Variants in SNX31 observed in about 807,000 individuals in gnomAD.
SNX31 encodes sorting nexin 31.
In SNX31, 58 loss-of-function variants were observed where a neutral mutation model predicts 65.4. That is an observed-to-expected ratio of 0.89 (90% CI 0.72 to 1.10). The LOEUF (loss-of-function observed/expected upper bound fraction) is 1.10, where lower values mean the gene tolerates loss of function less well. Ranked by LOEUF, SNX31 falls within the 50% of genes least tolerant of loss-of-function variation. SNX31 has a pLI of 0.00. For missense variants in SNX31, 523 were observed against 529.7 expected (o/e 0.99, Z 0.12); for synonymous variants, 181 against 190.1 (o/e 0.95, Z 0.39).
At chr8:100,631,586 C>T (rs562891958) in intron 3 of SNX31, among the ~76,000 whole-genome samples, 8 of 151,940 alleles carry the variant, frequency 5.3e-5, no homozygotes, top group South Asian at 2.1e-4. Context: ...TACAGGAGTG[C>T]GCCACCACAC....
rs746145189 is a variant in SNX31, at chr8:100,608,509, A to G, written c.666T>C (p.Asp222=). 3 of 1,613,924 alleles carry G rather than the reference A, an allele frequency of 1.9e-6. No homozygotes were observed. The highest frequency in any genetic ancestry group is 1.6e-4 in the Middle Eastern group (1 of 6,084). ...TGACCCTCACCTGCATGTAGAGCAA[A>G]TCTACCGCCACCCTGCAGTCCATCA... ...SVLMDCRVAV[D]LLYMQAIQDI... Residue 222 remains aspartate, a synonymous_variant, in exon 8 of 14, where the codon GAT becomes GAC. Coordinates refer to ENST00000311812, the MANE Select transcript of SNX31 (RefSeq NM_152628.4).
rs1285270504 is a variant in SNX31 at position 100,612,994 on chromosome 8, C to A, written c.523+1G>T. The A allele has an allele frequency of 2.5e-6, 4 of 1,613,662 alleles. No individual in the cohort carries two copies. The highest frequency in any genetic ancestry group is 3.4e-6 in the Non-Finnish European group (4 of 1,179,610). ...TGATTCATTTGTTCCTTCCTTCTTA[C>A]CAGAGAGCTTGCCCTCCTTGCCAAA... is the stretch of plus-strand genomic sequence containing the variant. On this transcript the variant is annotated splice_donor_variant, in intron 6 of 13. Transcript: ENST00000311812. LOFTEE classifies it high-confidence loss of function. The surrounding 1 kb of genome is among the most constrained non-coding windows in gnomAD (Gnocchi z 4.3).
intron 5 of SNX31, among the ~76,000 whole-genome samples, chr8:100,616,842 A>T (rs1817249383): frequency 6.6e-6 from 1 of 152,182 alleles, no homozygotes; most frequent in African/African-American, 2.4e-5. Flanking sequence ...CAAGCACAAG[A>T]ACGTTCTGTC....
Position 100,625,410 on chromosome 8 carries a change from CAT to C in SNX31, c.321+4915_321+4916del, listed in dbSNP as rs1386676792. On this transcript the variant is annotated intron_variant, in intron 4 of 13. Transcript: ENST00000311812. This position sits in a 1 kb window ranked among gnomAD's most constrained non-coding sequence, Gnocchi z 4.2. Reference sequence around the variant, plus strand: ...TTGGATGCGCACCATGGCTATTAGACATTCCTCTGCCTCAGAGCAGAATAGCA... The same window carrying C: ...TTGGATGCGCACCATGGCTATTAGACTCCTCTGCCTCAGAGCAGAATAGCA... 2.0e-5 allele frequency among the ~76,000 whole-genome samples: 3 copies of C among 151,664 alleles called. No individual in the cohort carries two copies. The highest frequency in any genetic ancestry group is 4.4e-5 in the Non-Finnish European group (3 of 67,914).
chr8:100,588,717 A>C lies in SNX31; in HGVS notation c.1092+149T>G. On this transcript the variant is annotated intron_variant, in intron 11 of 13. Transcript: ENST00000311812. The surrounding 1 kb of genome is among the most constrained non-coding windows in gnomAD (Gnocchi z 4.8). The stretch of plus-strand genomic sequence containing the variant: ...TAAAATATAACAAAACATAAAACAA[A>C]ATAAAAGGTATTACGGTCCCGAACG... The C allele has an allele frequency of 2.2e-6, 1 of 446,406 alleles. No individual in the cohort carries two copies. Among genetic ancestry groups the C allele is most frequent in the Non-Finnish European group, 4.0e-6 (1 of 250,792 alleles). The allele number at this position is 446,406 out of a possible 1,614,324, so 27.7% of individuals were successfully genotyped here. A position where few individuals can be genotyped will look rare whatever the true frequency, so the allele number is the denominator to read the frequency against.
intron 2 of SNX31, among the ~76,000 whole-genome samples, chr8:100,636,728 C>CT (rs1310141652): frequency 2.6e-5 from 4 of 151,508 alleles, no homozygotes; most frequent in African/African-American, 7.3e-5. Context: ...TTCTTTCTTT[C>CT]TTTCTTTTTT....
At chr8:100,645,687 C>T (rs1819582076) in intron 2 of SNX31, among the ~76,000 whole-genome samples, 1 of 148,166 alleles carries the variant, frequency 6.7e-6, no homozygotes, top group African/African-American at 2.5e-5. Context: ...TCTGAGCTCA[C>T]TGCAACCTCC....
intron 10 of SNX31, among the ~76,000 whole-genome samples, chr8:100,595,605 GA>G (rs1490963960): frequency 6.6e-6 from 1 of 152,210 alleles, no homozygotes; most frequent in Non-Finnish European, 1.5e-5. Flanking sequence ...GTCAGAGAAA[GA>G]GAAAAGTCAG....
In SNX31 at chr8:100,594,004, T is replaced by C. The variant is rs576478822; in HGVS notation, c.978+2635A>G. Among the ~76,000 whole-genome samples the C allele has an allele frequency of 6.6e-6, 1 of 152,110 alleles. No homozygotes were observed. Among genetic ancestry groups the C allele is most frequent in the East Asian group, 1.9e-4 (1 of 5,162 alleles). ...CTGCAAAAGACCTTGTTTAAGAGGA[T>C]GAAAAACTATAGAGTGGGCCAGGTG... is the stretch of plus-strand genomic sequence containing the variant. On this transcript the variant is annotated intron_variant, in intron 10 of 13. Transcript: ENST00000311812. The surrounding 1 kb of genome is among the most constrained non-coding windows in gnomAD (Gnocchi z 4.0).
At position 100,588,200 on chromosome 8, in the gene SNX31, C is replaced by G. The variant is rs1174830111; in HGVS notation, c.1092+666G>C. ...GCCATATATACAGACTGTCATTGAC[C>G]AAAATGTTATGTACCACATGAATGT... On this transcript the variant is annotated intron_variant, in intron 11 of 13. Transcript: ENST00000311812. The surrounding 1 kb of genome is among the most constrained non-coding windows in gnomAD (Gnocchi z 4.8). Among the ~76,000 whole-genome samples, 1 of 151,652 alleles carries G rather than the reference C, an allele frequency of 6.6e-6. No individual in the cohort carries two copies. The highest frequency in any genetic ancestry group is 1.5e-5 in the Non-Finnish European group (1 of 67,938).
At position 100,575,365 on chromosome 8, in the gene SNX31, T is replaced by C. The variant is rs1026253397; in HGVS notation, c.1228-1405A>G. ...ACGAGTTATACATAAAAAGTAATTA[T>C]AGCAGTTCATGGCTCAGGATAAGGT... On this transcript the variant is annotated intron_variant, in intron 13 of 13. Transcript: ENST00000311812. This position sits in a 1 kb window ranked among gnomAD's most constrained non-coding sequence, Gnocchi z 5.1. Among the ~76,000 whole-genome samples the C allele has an allele frequency of 7.2e-5, 11 of 152,252 alleles. No homozygotes were observed. Among genetic ancestry groups the C allele is most frequent in the Non-Finnish European group, 1.2e-4 (8 of 68,040 alleles).
chr8:100,595,311 G>GTTTTT (rs765163460), intron 10 of SNX31, among the ~76,000 whole-genome samples: 2 of 138,784 alleles, frequency 1.4e-5, no homozygotes, highest in African/African-American at 3.1e-5. Flanking sequence ...GAGGGAATTT[G>GTTTTT]TTGTTTTTTT....
At chr8:100,645,606 A>ATTTTTTTTT (rs10598981) in intron 2 of SNX31, among the ~76,000 whole-genome samples, 1 of 106,726 alleles carries the variant, frequency 9.4e-6, no homozygotes, top group Non-Finnish European at 1.8e-5. Flanking sequence ...CAGACTCTTC[A>ATTTTTTTTT]TTTTTTTTTT....
At chr8:100,663,439 G>A (rs576253209), upstream of SNX31, 20 of 152,074 alleles carry the variant, frequency 1.3e-4, no homozygotes, top group African/African-American at 4.6e-4. Context: ...GAGTTGTTTT[G>A]TTTCTGCTTT....
At chr8:100,607,993 A>G (rs1347802432) in intron 8 of SNX31, among the ~76,000 whole-genome samples, 2 of 152,224 alleles carry the variant, frequency 1.3e-5, no homozygotes, top group Non-Finnish European at 2.9e-5. Context: ...AGGCTATGCT[A>G]GAGTGAGATT....
chr8:100,618,181 T>C (rs1817397440), intron 4 of SNX31: 1 of 1,434,132 alleles, frequency 7.0e-7, no homozygotes, highest in Non-Finnish European at 9.1e-7. Context: ...GTGCAGAGAT[T>C]GGAAGGGTTG....
rs1056818713 is a variant in SNX31 at position 100,580,175 on chromosome 8, A to C, written c.1171-3100T>G. Among the ~76,000 whole-genome samples, 6 of 151,406 alleles carry C rather than the reference A, an allele frequency of 4.0e-5. No homozygotes were observed. In the South Asian group the frequency reaches 8.3e-4, roughly 21 times the overall value. The stretch of plus-strand genomic sequence containing the variant: ...TGTCTTTAAAAAAAAAAAAAAAAAA[A>C]AACAGTCTTTTTAAGTCAGAAAATA... On this transcript the variant is annotated intron_variant, in intron 12 of 13. Transcript: ENST00000311812.
At chr8:100,581,504 T>C (rs574017326) in intron 12 of SNX31, among the ~76,000 whole-genome samples, 1 of 152,112 alleles carries the variant, frequency 6.6e-6, no homozygotes, top group South Asian at 2.1e-4. Flanking sequence ...CAAAGCTAAT[T>C]AAGTTAACAA....
upstream of SNX31, chr8:100,663,491 T>C (rs976074234): frequency 2.0e-5 from 3 of 152,008 alleles, no homozygotes; most frequent in Admixed American, 1.3e-4. Flanking sequence ...GAGGATACCA[T>C]GTGAATTAAG....
Sources: allele counts gnomAD v4.1 joint callset (sites outside exome capture counted in the v4.1 genomes callset), GRCh38; gene constraint gnomAD v4.1.1; non-coding constraint Gnocchi (gnomAD v3.1); transcripts MANE v1.5; gene names NCBI Gene and HGNC (gene_info 2026-07-23, HGNC 2026-07-21).